The following CTSO variants were observed in gnomAD, a reference collection of about 807,000 sequenced individuals.
CTSO encodes the protein cathepsin O.
A neutral mutation model predicts 42.4 loss-of-function variants in CTSO; 40 were observed. That is an observed-to-expected ratio of 0.94 (90% confidence interval 0.73 to 1.23). CTSO has a LOEUF of 1.23. Among genes scored for constraint, CTSO ranks in the 50% most tolerant of loss-of-function variants. CTSO has a pLI of 0.00. For missense variants in CTSO, 441 were observed against 396.0 expected, an observed-to-expected ratio of 1.11 and a Z score of -0.96; for synonymous variants, 156 against 146.2, an observed-to-expected ratio of 1.07 and a Z score of -0.48.
At chr4:155,935,483 A>G (rs967202716) in intron 5 of CTSO, among the ~76,000 whole-genome samples, 4 of 151,808 alleles carry the variant, frequency 2.6e-5, no homozygotes, top group African/African-American at 7.3e-5. Flanking sequence ...ATGTTCCCCC[A>G]CATATCTGCG....
At chr4:155,944,547 A>G (rs1190451182) in intron 1 of CTSO, among the ~76,000 whole-genome samples, 1 of 152,178 alleles carries the variant, frequency 6.6e-6, no homozygotes, top group Non-Finnish European at 1.5e-5. Context: ...AGTAGTCAGG[A>G]AGGCACTGAA....
chr4:155,943,115 TA>T, intron 2 of CTSO, 40 bp downstream of exon 2: 1 of 1,178,426 alleles, frequency 8.5e-7, no homozygotes, highest in South Asian at 1.3e-5. Context: ...GCAAGCAAAT[TA>T]AAATCAGGAA....
At position 155,942,342 on chromosome 4, in the gene CTSO, A is replaced by T; in HGVS notation, c.359T>A (p.Val120Glu). The change falls in exon 3 of 8, where the codon GTG becomes GAG. Residue 120 changes from valine to glutamate, a missense_variant. Val to Glu is a moderately radical substitution (Grantham distance 121). Coordinates refer to ENST00000433477, the MANE Select transcript of CTSO (RefSeq NM_001334.3). ...CATCTGCTGGTTTCTCACTTGTGTCACAACCTGCTTGTCCCTCCAGTCAAA... is the reference window on the plus strand; with the variant it reads ...CATCTGCTGGTTTCTCACTTGTGTCTCAACCTGCTTGTCCCTCCAGTCAAA... Reference protein sequence around the residue: ...LRFDWRDKQVVTQVRNQQMCG... With the variant: ...LRFDWRDKQVETQVRNQQMCG... 1 of 1,580,344 alleles carries T rather than the reference A, an allele frequency of 6.3e-7. No homozygotes were observed. The highest frequency in any genetic ancestry group is 8.6e-7 in the Non-Finnish European group (1 of 1,165,000).
At chr4:155,935,733 T>G (rs946227076) in intron 5 of CTSO, among the ~76,000 whole-genome samples, 3 of 152,294 alleles carry the variant, frequency 2.0e-5, no homozygotes, top group Admixed American at 1.3e-4. Flanking sequence ...TTTGTCTGTT[T>G]TGTTCTCTGC....
chr4:155,942,899 G>A (rs571065527), intron 2 of CTSO, among the ~76,000 whole-genome samples: 1 of 152,222 alleles, frequency 6.6e-6, no homozygotes, highest in South Asian at 2.1e-4. Context: ...AACTGCAGAA[G>A]TGATTAGACA....
At chr4:155,929,946 A>G (rs1743206537) in intron 5 of CTSO, among the ~76,000 whole-genome samples, 1 of 152,192 alleles carries the variant, frequency 6.6e-6, no homozygotes, top group Non-Finnish European at 1.5e-5. Context: ...TTCAGGGTCC[A>G]TTCATGGTCC....
chr4:155,946,197 T>C (rs1743543736), intron 1 of CTSO, among the ~76,000 whole-genome samples: 1 of 152,182 alleles, frequency 6.6e-6, no homozygotes, highest in Admixed American at 6.5e-5. Context: ...AGAAACAATA[T>C]ATTGCCACTC....
intron 1 of CTSO, among the ~76,000 whole-genome samples, chr4:155,950,453 A>G (rs1383933533): frequency 6.6e-6 from 1 of 152,228 alleles, no homozygotes; most frequent in Non-Finnish European, 1.5e-5. Flanking sequence ...TATGATTTTA[A>G]GTTTATGATA....
rs1393590675 is a variant in CTSO at position 155,943,209 on chromosome 4, G to A, written c.191C>T (p.Thr64Ile). The A allele has an allele frequency of 6.2e-7, 1 of 1,612,360 alleles. No individual in the cohort carries two copies. The change falls in exon 2 of 8, where the codon ACC becomes ATC. Residue 64 changes from threonine to isoleucine, a missense_variant. By Grantham distance (89) the Thr-to-Ile change is moderately conservative. Transcript: ENST00000433477. ...AAACTGATTTATTCCATAGAAGGCG[G>A]TGGAGTTTTCACTGGGAAATAAAGA... is the stretch of plus-strand genomic sequence containing the variant. ...LNSLFPSENS[T>I]AFYGINQFSY...
chr4:155,951,738 A>G (rs186471479), intron 1 of CTSO, among the ~76,000 whole-genome samples: 1 of 152,322 alleles, frequency 6.6e-6, no homozygotes, highest in Admixed American at 6.5e-5. Context: ...CTTGATTTCA[A>G]CAAGAAGTTT....
intron 6 of CTSO, among the ~76,000 whole-genome samples, chr4:155,928,897 A>G (rs1743179772): frequency 2.0e-5 from 3 of 152,126 alleles, no homozygotes; most frequent in Admixed American, 1.3e-4. Context: ...AGGCCCCCCA[A>G]ATCCGGCCAT....
chr4:155,927,871 C>T (rs1224390665), intron 7 of CTSO, among the ~76,000 whole-genome samples: 1 of 151,948 alleles, frequency 6.6e-6, no homozygotes, highest in Non-Finnish European at 1.5e-5. Flanking sequence ...TTGTAGGTGG[C>T]AAGGGGCATA....
intron 5 of CTSO, among the ~76,000 whole-genome samples, chr4:155,935,951 A>C (rs1743322303): frequency 6.6e-6 from 1 of 152,134 alleles, no homozygotes; most frequent in South Asian, 2.1e-4. Context: ...CTTTCCCTTA[A>C]TTCAGACTAA....
intron 5 of CTSO, among the ~76,000 whole-genome samples, chr4:155,933,401 G>A (rs1170437003): frequency 6.6e-6 from 1 of 152,002 alleles, no homozygotes; most frequent in African/African-American, 2.4e-5. Flanking sequence ...TCCCAGTCTC[G>A]GGTATGTCTT....
Position 155,943,199 on chromosome 4 carries a change from A to G in CTSO, c.201T>C (p.Tyr67=), listed in dbSNP as rs1037345980. 6.2e-7 allele frequency: 1 copy of G among 1,612,320 alleles called. No individual in the cohort carries two copies. The highest frequency in any genetic ancestry group is 1.3e-5 in the African/African-American group (1 of 75,022). The change falls in exon 2 of 8, where the codon TAT becomes TAC. Residue 67 remains tyrosine (Y), a synonymous_variant. Transcript: ENST00000433477. ...ACAAATAGGAAAACTGATTTATTCC[A>G]TAGAAGGCGGTGGAGTTTTCACTGG... The part of the protein sequence containing the change: ...LFPSENSTAF[Y]GINQFSYLFP...
rs1355341142 is a variant in CTSO, at chr4:155,953,016, C to A, written c.135+697G>T. 2.6e-5 allele frequency among the ~76,000 whole-genome samples: 4 copies of A among 151,704 alleles called. No homozygotes were observed. In the South Asian group the frequency reaches 6.2e-4, roughly 24 times the overall value. Reference sequence around the variant, plus strand: ...TTATTTGTGCTCAGCTAACTGGTCCCTTCCAGAGTTTTCATGCTAGACTCA... The same window carrying A: ...TTATTTGTGCTCAGCTAACTGGTCCATTCCAGAGTTTTCATGCTAGACTCA... On this transcript the variant is annotated intron_variant, in intron 1 of 7. Coordinates refer to ENST00000433477, the MANE Select transcript of CTSO (RefSeq NM_001334.3).
At chr4:155,941,078 T>C (rs1743422111) in intron 3 of CTSO, among the ~76,000 whole-genome samples, 1 of 152,218 alleles carries the variant, frequency 6.6e-6, no homozygotes, top group Admixed American at 6.5e-5. Flanking sequence ...GCAAATGATT[T>C]GGTGGTAAAA....
At chr4:155,946,934 C>T (rs1743558193) in intron 1 of CTSO, among the ~76,000 whole-genome samples, 1 of 152,226 alleles carries the variant, frequency 6.6e-6, no homozygotes, top group South Asian at 2.1e-4. Context: ...CAGCTCACTG[C>T]AAGCTCCGCC....
intron 5 of CTSO, among the ~76,000 whole-genome samples, chr4:155,931,295 T>C (rs1271774533): frequency 2.0e-5 from 3 of 152,120 alleles, no homozygotes; most frequent in Non-Finnish European, 4.4e-5. Context: ...TCTCCATCAA[T>C]TGAAGAAAAC....
Sources: allele counts gnomAD v4.1 joint callset (sites outside exome capture counted in the v4.1 genomes callset), GRCh38; gene constraint gnomAD v4.1.1; transcripts MANE v1.5; gene names NCBI Gene and HGNC (gene_info 2026-07-23, HGNC 2026-07-21).